DYSF: variants seen among roughly 807,000 people sequenced by gnomAD.
DYSF encodes the protein dystrophy-associated fer-1-like 1.
In DYSF, 212 loss-of-function variants were observed where a neutral mutation model predicts 274.9. The observed-to-expected ratio is 0.77, with a 90% confidence interval of 0.69 to 0.86. The LOEUF is 0.86. DYSF is among the 40% of genes least tolerant of loss of function. The pLI, the probability that DYSF is intolerant of heterozygous loss-of-function variation, is 0.00. For missense variants in DYSF, 2,666 were observed against 2,783.2 expected (o/e 0.96, Z 0.95); for synonymous variants, 1,091 against 1,078.7 (o/e 1.01, Z -0.22).
chr2:71,648,037 T>C (rs2152928454), intron 42 of DYSF, among the ~76,000 whole-genome samples: 1 of 152,306 alleles, frequency 6.6e-6, no homozygotes. Context: ...TCTGCCTCTG[T>C]GGTGGGAACA....
intron 40 of DYSF, among the ~76,000 whole-genome samples, chr2:71,619,435 C>T (rs2094036676): frequency 6.6e-6 from 1 of 152,128 alleles, no homozygotes; most frequent in Non-Finnish European, 1.5e-5. Flanking sequence ...GGATCCGAGT[C>T]CCCAAACGTC....
At chr2:71,542,975 G>A (rs2090069140) in intron 17 of DYSF, among the ~76,000 whole-genome samples, 1 of 150,862 alleles carries the variant, frequency 6.6e-6, no homozygotes, top group Non-Finnish European at 1.5e-5. Context: ...CTACCTCCCG[G>A]ACGGGGCAGC....
chr2:71,619,713 G>A lies in DYSF; in HGVS notation c.4465-834G>A, dbSNP rs115692979. Among the ~76,000 whole-genome samples, 587 of 151,902 alleles carry A rather than the reference G, an allele frequency of 3.9e-3. 6 individuals carry two copies. The highest frequency in any genetic ancestry group is 0.013 in the African/African-American group (539 of 41,552). On this transcript the variant is annotated intron_variant, in intron 40 of 55. Transcript: ENST00000410020. ...CTTCTTTCTTCCCCTCTACCTTTGCGCTTGCGATTCCCTCTGCCTAGCATG... is the reference window on the plus strand; with the variant it reads ...CTTCTTTCTTCCCCTCTACCTTTGCACTTGCGATTCCCTCTGCCTAGCATG...
At chr2:71,601,018 G>A (rs1365596321) in intron 34 of DYSF, among the ~76,000 whole-genome samples, 176 bp downstream of exon 34, 1 of 152,244 alleles carries the variant, frequency 6.6e-6, no homozygotes, top group Non-Finnish European at 1.5e-5. Context: ...GATCAGGAAT[G>A]TCTGAGTCCT....
At chr2:71,509,155 C>T (rs765466732) in intron 4 of DYSF, among the ~76,000 whole-genome samples, 9 of 151,844 alleles carry the variant, frequency 5.9e-5, no homozygotes, top group African/African-American at 9.7e-5. Context: ...TGTGCCCAGC[C>T]GTCATGAAGT....
At chr2:71,676,234 C>G (rs1421129552) in intron 52 of DYSF, among the ~76,000 whole-genome samples, 1 of 151,878 alleles carries the variant, frequency 6.6e-6, no homozygotes. Flanking sequence ...TTCAGTTGCC[C>G]TCTAGAAAGG....
chr2:71,568,074 G>C lies in DYSF; in HGVS notation c.2689G>C (p.Ala897Pro). The C allele has an allele frequency of 6.2e-7, 1 of 1,614,214 alleles. No individual in the cohort carries two copies. The highest frequency in any genetic ancestry group is 8.5e-7 in the Non-Finnish European group (1 of 1,180,036). ...TGCTGAGGGGAAGCTGTCTGTCTTT[G>C]CTGAAACCGTGAGTACCTGCCAGCC... ...QFAEGKLSVF[A>P]ETYENETKLA... The change falls in exon 25 of 56, where the codon GCT becomes CCT. Residue 897 changes from alanine (A) to proline (P), a missense_variant. Coordinates refer to ENST00000410020, the MANE Select transcript of DYSF (RefSeq NM_001130987.2).
intron 1 of DYSF, among the ~76,000 whole-genome samples, chr2:71,476,749 G>A (rs1361896328): frequency 6.6e-6 from 1 of 151,734 alleles, no homozygotes; most frequent in Non-Finnish European, 1.5e-5. Flanking sequence ...CACCTCTGCT[G>A]CACATCACAA....
intron 3 of DYSF, among the ~76,000 whole-genome samples, chr2:71,500,091 G>C (rs966767699): frequency 1.3e-5 from 2 of 152,086 alleles, no homozygotes; most frequent in Non-Finnish European, 2.9e-5. Context: ...AGATGGGGCG[G>C]GTCTCCTCAA....
intron 29 of DYSF, 43 bp downstream of exon 29, chr2:71,570,784 AGGT>A (rs778709234): frequency 6.2e-7 from 1 of 1,611,072 alleles, no homozygotes; most frequent in Non-Finnish European, 8.5e-7. Context: ...CTGTGGTCAC[AGGT>A]GGCCAGTAGG....
At chr2:71,578,420 C>A (rs146688302) in intron 30 of DYSF, among the ~76,000 whole-genome samples, 39 of 152,260 alleles carry the variant, frequency 2.6e-4, no homozygotes, top group African/African-American at 8.7e-4. Flanking sequence ...GAAATGTGGT[C>A]TTTACTTCTA....
At chr2:71,621,661 TTA>T (rs891516283) in intron 41 of DYSF, among the ~76,000 whole-genome samples, 1 of 150,998 alleles carries the variant, frequency 6.6e-6, no homozygotes, top group African/African-American at 2.4e-5. Context: ...GTTATGTATA[TTA>T]TATATATATT....
chr2:71,534,225 T>C (rs530854772), intron 14 of DYSF, among the ~76,000 whole-genome samples: 96 of 152,234 alleles, frequency 6.3e-4, no homozygotes, highest in Non-Finnish European at 1.2e-3. Flanking sequence ...GGGCTTATCA[T>C]AGTAAATGCT....
intron 51 of DYSF, among the ~76,000 whole-genome samples, 174 bp from the exon 52 acceptor site, chr2:71,674,023 A>C (rs905476746): frequency 3.3e-5 from 5 of 152,126 alleles, no homozygotes; most frequent in Non-Finnish European, 7.4e-5. Flanking sequence ...GCCCTTGAAC[A>C]CTGCCTTCTG....
chr2:71,513,225 C>T lies in DYSF; in HGVS notation c.461-15C>T. 1 of 1,551,578 alleles carries T rather than the reference C, an allele frequency of 6.4e-7. No individual in the cohort carries two copies. The highest frequency in any genetic ancestry group is 1.2e-5 in the South Asian group (1 of 84,058). ...CTCCCTCCCCTCCCGGGGTTATGCCCTGCCCACAAGACAGGCGGGGGACAG... is the reference window on the plus strand; with the variant it reads ...CTCCCTCCCCTCCCGGGGTTATGCCTTGCCCACAAGACAGGCGGGGGACAG... On this transcript the variant is annotated splice_polypyrimidine_tract_variant and intron_variant, in intron 5 of 55. Transcript: ENST00000410020.
At chr2:71,571,344 GCA>G (rs2092426128) in intron 29 of DYSF, among the ~76,000 whole-genome samples, 1 of 137,192 alleles carries the variant, frequency 7.3e-6, no homozygotes, top group Non-Finnish European at 1.6e-5. Flanking sequence ...CTCACACCCA[GCA>G]CACCCACAGA....
At chr2:71,572,287 G>A (rs980299525) in intron 29 of DYSF, among the ~76,000 whole-genome samples, 2 of 136,982 alleles carry the variant, frequency 1.5e-5, no homozygotes, top group Non-Finnish European at 3.1e-5. Context: ...ATCACACCTA[G>A]CACACCCACA....
intron 17 of DYSF, among the ~76,000 whole-genome samples, chr2:71,550,346 C>T (rs1324533147): frequency 6.6e-6 from 1 of 152,084 alleles, no homozygotes; most frequent in Non-Finnish European, 1.5e-5. Flanking sequence ...GATTTCCCCT[C>T]TTCAGGAGTG....
At chr2:71,618,454 GGTTGT>G (rs2093988688) in intron 40 of DYSF, among the ~76,000 whole-genome samples, 2 of 3,646 alleles carry the variant, frequency 5.5e-4, no homozygotes, top group South Asian at 6.0e-3. Context: ...GTAGAGGTGG[GGTTGT>G]GTGTGTGTGG....
Sources: gnomAD v4.1 joint callset for allele counts (sites outside exome capture counted in the v4.1 genomes callset) on GRCh38, gnomAD v4.1.1 for gene constraint, MANE v1.5 for transcripts, NCBI Gene and HGNC (gene_info 2026-07-23, HGNC 2026-07-21) for gene names.